The following CRACR2A variants were observed in gnomAD, a reference collection of about 807,000 sequenced individuals.
The protein encoded by CRACR2A is EF-hand calcium-binding domain-containing protein 4B.
In CRACR2A, 79 loss-of-function variants were observed where a neutral mutation model predicts 90.5. That is an observed-to-expected ratio of 0.87 (90% CI 0.73 to 1.05). The LOEUF is 1.05. CRACR2A is among the 50% of genes least tolerant of loss of function. The pLI, the probability that CRACR2A is intolerant of heterozygous loss-of-function variation, is 0.00. For synonymous variants in CRACR2A, 338 were observed against 356.7 expected (o/e 0.95, Z 0.59); for missense variants, 823 against 897.2 (o/e 0.92, Z 1.06).
At chr12:3,621,582 C>T (rs567114727) in intron 17 of CRACR2A, among the ~76,000 whole-genome samples, 16 of 124,492 alleles carry the variant, frequency 1.3e-4, no homozygotes, top group South Asian at 8.3e-4. Context: ...ACCTGGGAGG[C>T]GGAGCTTGCA....
chr12:3,688,798 A>T (rs1945607473), intron 4 of CRACR2A, among the ~76,000 whole-genome samples: 1 of 152,226 alleles, frequency 6.6e-6, no homozygotes, highest in African/African-American at 2.4e-5. Context: ...TTTTAGTGAT[A>T]CTGATTCTTC....
rs1282805470 is a variant in CRACR2A, at chr12:3,711,665, C to T, written c.-37+1572G>A. Among the ~76,000 whole-genome samples the T allele has an allele frequency of 6.6e-6, 1 of 152,170 alleles. No homozygotes were observed. Among genetic ancestry groups the T allele is most frequent in the Admixed American group, 6.5e-5 (1 of 15,280 alleles). ...CTCTTCTTCTGAGCCCTCACCAGAACCACCTTTAAAAGTCAGGTCATGGCA... is the reference window on the plus strand; with the variant it reads ...CTCTTCTTCTGAGCCCTCACCAGAATCACCTTTAAAAGTCAGGTCATGGCA... On this transcript the variant is annotated intron_variant, in intron 3 of 19. Transcript: ENST00000440314. The surrounding 1 kb of genome is among the most constrained non-coding windows in gnomAD (Gnocchi z 4.3).
At chr12:3,700,315 C>T (rs1031778522) in intron 3 of CRACR2A, among the ~76,000 whole-genome samples, 1 of 152,152 alleles carries the variant, frequency 6.6e-6, no homozygotes, top group African/African-American at 2.4e-5. Context: ...CTAGTTCAAG[C>T]TCTGTTCCTG....
At chr12:3,621,671 A>AAAAAAAAAAAAAAAAAAAAAAAAAAC (rs1301625787) in intron 17 of CRACR2A, among the ~76,000 whole-genome samples, 5 of 145,304 alleles carry the variant, frequency 3.4e-5, no homozygotes, top group Non-Finnish European at 7.5e-5. Context: ...AAAAAAAAAA[A>AAAAAAAAAAAAAAAAAAAAAAAAAAC]AAAAAAAAAA....
intron 4 of CRACR2A, among the ~76,000 whole-genome samples, chr12:3,691,113 C>T (rs1475931525): frequency 6.6e-6 from 1 of 152,192 alleles, no homozygotes; most frequent in African/African-American, 2.4e-5. Flanking sequence ...CAGCTTGTCA[C>T]TCTCTGCCTT....
At chr12:3,713,947 CGTA>C (rs1159720334) in intron 2 of CRACR2A, among the ~76,000 whole-genome samples, 1 of 152,130 alleles carries the variant, frequency 6.6e-6, no homozygotes, top group African/African-American at 2.4e-5. Flanking sequence ...CCACATGCTG[CGTA>C]GCATGGTCTG....
intron 13 of CRACR2A, 153 bp from the exon 14 acceptor site, chr12:3,638,607 A>C: frequency 1.2e-6 from 1 of 823,932 alleles, no homozygotes; most frequent in South Asian, 1.9e-5. Flanking sequence ...ACCAGCCAGC[A>C]TTCTGCAGCT....
intron 4 of CRACR2A, among the ~76,000 whole-genome samples, chr12:3,692,801 G>A (rs991440135): frequency 2.0e-5 from 3 of 152,162 alleles, no homozygotes; most frequent in Non-Finnish European, 4.4e-5. Flanking sequence ...GTGCATAGTT[G>A]TGCTGGTGGT....
intron 1 of CRACR2A, among the ~76,000 whole-genome samples, chr12:3,748,539 A>G (rs978962915): frequency 1.3e-5 from 2 of 152,174 alleles, no homozygotes; most frequent in African/African-American, 4.8e-5. Context: ...AAAATTCTAT[A>G]GCCCTCAAGC....
intron 10 of CRACR2A, among the ~76,000 whole-genome samples, chr12:3,653,907 C>G (rs545338393): frequency 6.6e-6 from 1 of 152,304 alleles, no homozygotes; most frequent in African/African-American, 2.4e-5. Context: ...CATAAAGTAA[C>G]ATATGAGTAC....
intron 10 of CRACR2A, 143 bp from the exon 11 acceptor site, chr12:3,648,756 C>T (rs1944740117): frequency 8.2e-6 from 10 of 1,220,818 alleles, no homozygotes; most frequent in Admixed American, 2.7e-5. Context: ...AGAGCTCCTA[C>T]AGTATGCAAG....
chr12:3,723,563 T>G (rs1946215678), intron 2 of CRACR2A, among the ~76,000 whole-genome samples: 1 of 152,010 alleles, frequency 6.6e-6, no homozygotes, highest in Non-Finnish European at 1.5e-5. Flanking sequence ...TGCCCCTAGG[T>G]GTCCCTAGGG....
chr12:3,680,083 A>G (rs1945416899), intron 5 of CRACR2A, among the ~76,000 whole-genome samples, 155 bp downstream of exon 5: 3 of 152,190 alleles, frequency 2.0e-5, no homozygotes, highest in Non-Finnish European at 4.4e-5. Context: ...GGCCCAAGCA[A>G]TCTAGAGCCT....
At chr12:3,621,255 G>T (rs147109144) in intron 17 of CRACR2A, among the ~76,000 whole-genome samples, 1 of 152,188 alleles carries the variant, frequency 6.6e-6, no homozygotes, top group East Asian at 1.9e-4. Context: ...CTGTTTCCTC[G>T]CTTGCAGAGG....
intron 1 of CRACR2A, among the ~76,000 whole-genome samples, chr12:3,745,950 T>C (rs1038939880): frequency 6.6e-6 from 1 of 151,858 alleles, no homozygotes; most frequent in East Asian, 1.9e-4. Flanking sequence ...GTCTCTCATC[T>C]CCCTCCCGCT....
chr12:3,750,558 A>G (rs1465642199), intron 1 of CRACR2A, among the ~76,000 whole-genome samples: 4 of 152,236 alleles, frequency 2.6e-5, no homozygotes, highest in Non-Finnish European at 5.9e-5. Context: ...ATACGAGGGA[A>G]ACAGGGCCTT....
chr12:3,690,009 T>A, intron 4 of CRACR2A, among the ~76,000 whole-genome samples: 1 of 152,140 alleles, frequency 6.6e-6, no homozygotes, highest in East Asian at 1.9e-4. Flanking sequence ...CCTTTGCCAT[T>A]ACTAATTGTG....
At chr12:3,674,673 T>G (rs1945309668) in intron 6 of CRACR2A, among the ~76,000 whole-genome samples, 1 of 152,254 alleles carries the variant, frequency 6.6e-6, no homozygotes, top group Admixed American at 6.5e-5. Context: ...TTAAACTTTA[T>G]TCTAGCAAAG....
chr12:3,717,897 C>G (rs1273132317), intron 2 of CRACR2A, among the ~76,000 whole-genome samples: 1 of 152,104 alleles, frequency 6.6e-6, no homozygotes, highest in Non-Finnish European at 1.5e-5. Context: ...ATGAAGAGAG[C>G]CTTAGATGAG....
Sources: allele counts gnomAD v4.1 joint callset (sites outside exome capture counted in the v4.1 genomes callset), GRCh38; gene constraint gnomAD v4.1.1; non-coding constraint Gnocchi (gnomAD v3.1); transcripts MANE v1.5; gene names NCBI Gene and HGNC (gene_info 2026-07-23, HGNC 2026-07-21).